Variants in PLXNB1 observed in about 807,000 individuals in gnomAD.
PLXNB1 encodes plexin B1.
PLXNB1 carries 106 observed loss-of-function variants against 209.4 expected under a neutral mutation model. That is an observed-to-expected ratio of 0.51 (90% CI 0.43 to 0.59). PLXNB1 has a LOEUF of 0.59. Ranked by LOEUF, PLXNB1 falls within the 20% of genes least tolerant of loss-of-function variation. The pLI, the probability that PLXNB1 is intolerant of heterozygous loss-of-function variation, is 0.00. For synonymous variants in PLXNB1, 1,167 were observed against 1,183.2 expected (o/e 0.99, Z 0.28); for missense variants, 2,357 against 2,853.2 (o/e 0.83, Z 3.96).
At position 48,413,545 on chromosome 3, in the gene PLXNB1, G is replaced by T; in HGVS notation, c.4535+125C>A. The T allele has an allele frequency of 9.1e-7, 1 of 1,096,470 alleles. No homozygotes were observed. The highest frequency in any genetic ancestry group is 1.3e-6 in the Non-Finnish European group (1 of 784,974). The allele number at this position is 1,096,470 out of a possible 1,614,324, so 67.9% of individuals were successfully genotyped here. ...GAACAGAGACCACTTGGCCTGCAAA[G>T]CGAAAATATTTACTCTCTGGCCATT... On this transcript the variant is annotated intron_variant, in intron 23 of 37. Transcript: ENST00000296440. The surrounding 1 kb of genome is among the most constrained non-coding windows in gnomAD (Gnocchi z 5.4).
At position 48,411,682 on chromosome 3, in the gene PLXNB1, T is replaced by C. The variant is rs1047252613; in HGVS notation, c.5247+181A>G. Among the ~76,000 whole-genome samples, 14 of 152,176 alleles carry C rather than the reference T, an allele frequency of 9.2e-5. No individual in the cohort carries two copies. Among genetic ancestry groups the C allele is most frequent in the Non-Finnish European group, 1.9e-4 (13 of 68,032 alleles). On this transcript the variant is annotated intron_variant, in intron 28 of 37. Transcript: ENST00000296440. This position sits in a 1 kb window ranked among gnomAD's most constrained non-coding sequence, Gnocchi z 4.0. ...GAGGCCTTATCATCAAAGTCTGCCC[T>C]AAACTGCTATCCTGCTAAGCTAGTC...
rs138973378 is a variant in PLXNB1 at position 48,424,231 on chromosome 3, G to A, written c.381C>T (p.Leu127=). 1.1e-3 allele frequency: 1,688 copies of A among 1,601,958 alleles called. 9 individuals carry two copies. In the African/African-American group the frequency reaches 0.018, roughly 17 times the overall value. Residue 127 remains leucine, a synonymous_variant, in exon 3 of 38, where the codon CTC becomes CTT. Transcript: ENST00000296440. The part of the protein sequence containing the change: ...GVCEQRRLGQ[L]EQLLLRPERP... ...GCTCTGGCCGCAGCAGCAGCTGCTC[G>A]AGCTGCCCCAGGCGCCGCTGTTCAC...
rs1575400429 is a variant in PLXNB1, at chr3:48,419,045, G to A, written c.2833-6C>T. 6.2e-7 allele frequency: 1 copy of A among 1,613,880 alleles called. No homozygotes were observed. Among genetic ancestry groups the A allele is most frequent in the Non-Finnish European group, 8.5e-7 (1 of 1,179,906 alleles). Reference sequence around the variant, plus strand: ...TCATTGTCTCCTGGGCCATCCTGAGGGCAGAGAACACAGCTGTTGGGCAGC... The same window carrying A: ...TCATTGTCTCCTGGGCCATCCTGAGAGCAGAGAACACAGCTGTTGGGCAGC... On this transcript the variant is annotated splice_region_variant and splice_polypyrimidine_tract_variant and intron_variant, in intron 12 of 37. Transcript: ENST00000296440. The surrounding 1 kb of genome is among the most constrained non-coding windows in gnomAD (Gnocchi z 5.7).
Position 48,415,022 on chromosome 3 carries a change from A to G in PLXNB1, c.3986T>C (p.Val1329Ala), listed in dbSNP as rs145614428. The G allele has an allele frequency of 1.8e-4, 286 of 1,613,240 alleles. No homozygotes were observed. The highest frequency in any genetic ancestry group is 2.3e-4 in the Non-Finnish European group (277 of 1,179,934). The change falls in exon 21 of 38, where the codon GTC becomes GCC. Residue 1329 changes from valine (V) to alanine (A), a missense_variant. Transcript: ENST00000296440. The surrounding 1 kb of genome is among the most constrained non-coding windows in gnomAD (Gnocchi z 5.0). ...GCACGTGATGAGCTGGGAGGAGTTGACATGGCACGGCTCCTCAAACTGGAA... is the reference window on the plus strand; with the variant it reads ...GCACGTGATGAGCTGGGAGGAGTTGGCATGGCACGGCTCCTCAAACTGGAA... Reference protein sequence around the residue: ...SSQQFEEPCHVNSSQLITCRT... With the variant: ...SSQQFEEPCHANSSQLITCRT...
intron 4 of PLXNB1, 31 bp downstream of exon 4, chr3:48,422,734 G>C (rs1279680713): frequency 6.2e-7 from 1 of 1,601,752 alleles, no homozygotes; most frequent in South Asian, 1.1e-5. Flanking sequence ...CCAGACTCTG[G>C]GGCAGGGGCC....
chr3:48,420,296 AGCAGGCAGGCGCGGGACAGGAG>A (rs1454898922), intron 10 of PLXNB1, 39 bp from the exon 11 acceptor site: 1 of 1,285,426 alleles, frequency 7.8e-7, no homozygotes, highest in East Asian at 2.5e-5. Context: ...AGGGCCACTC[AGCAGGCAGGCGCGGGACAGGAG>A]GCAGGCAGGC....
In PLXNB1 at chr3:48,418,945, TG is replaced by T. The variant is rs2038298402; in HGVS notation, c.2926del (p.Gln976SerfsTer77). On this transcript the variant is annotated frameshift_variant, in exon 13 of 38. Coordinates refer to ENST00000296440, the MANE Select transcript of PLXNB1 (RefSeq NM_001130082.3). LOFTEE classifies it high-confidence loss of function. The surrounding 1 kb of genome is among the most constrained non-coding windows in gnomAD (Gnocchi z 6.6). ...RVECEPPPDT[Q>X]CHVTCQQHQL... is the part of the protein sequence containing the mutation. ...GTGCTGCTGGCAGGTGACATGGCACTGGGTATCTGGAGGTGGCTCACACTCG... is the reference window on the plus strand; with the variant it reads ...GTGCTGCTGGCAGGTGACATGGCACTGGTATCTGGAGGTGGCTCACACTCG... The T allele has an allele frequency of 6.2e-7, 1 of 1,614,034 alleles. No homozygotes were observed.
In PLXNB1 at chr3:48,418,140, C is replaced by T. The variant is rs1200260277; in HGVS notation, c.3222+51G>A. 4 of 1,608,642 alleles carry T rather than the reference C, an allele frequency of 2.5e-6. No homozygotes were observed. In the African/African-American group the frequency reaches 5.3e-5, roughly 21 times the overall value. The stretch of plus-strand genomic sequence containing the variant: ...ACCTCCCACCTTTGGGCCCCCACAC[C>T]CTCCCTCTAAGGGCAGCACTGAGGA... On this transcript the variant is annotated intron_variant, in intron 15 of 37. Transcript: ENST00000296440. This position sits in a 1 kb window ranked among gnomAD's most constrained non-coding sequence, Gnocchi z 6.6.
Position 48,412,006 on chromosome 3 carries a change from A to G in PLXNB1, c.5104T>C (p.Ser1702Pro). Reference protein sequence around the residue: ...SICLYTFVRDSVGEPLYMLFR... With the variant: ...SICLYTFVRDPVGEPLYMLFR... ...AGCATGTACAGAGGCTCCCCTACGGAGTCCTAGGAGAGCACAGGCAGTTAG... is the reference window on the plus strand; with the variant it reads ...AGCATGTACAGAGGCTCCCCTACGGGGTCCTAGGAGAGCACAGGCAGTTAG... Residue 1702 changes from serine to proline, a missense_variant, in exon 28 of 38, where the codon TCC becomes CCC. Ser to Pro is a moderately conservative substitution (Grantham distance 74). Coordinates refer to ENST00000296440, the MANE Select transcript of PLXNB1 (RefSeq NM_001130082.3). 9 of 1,613,844 alleles carry G rather than the reference A, an allele frequency of 5.6e-6. No homozygotes were observed. Among genetic ancestry groups the G allele is most frequent in the Non-Finnish European group, 7.6e-6 (9 of 1,179,884 alleles).
In PLXNB1 at chr3:48,423,679, C is replaced by T. The variant is rs779372178; in HGVS notation, c.933G>A (p.Ala311=). The stretch of plus-strand genomic sequence containing the variant: ...CAGAGGCTCCAGATGCCCCAGCAGC[C>T]GCCGATGGGGGCCGGCCCACAGTGG... ...APPTVGRPPS[A]AAGASGASAL... Residue 311 remains alanine, a synonymous_variant, in exon 3 of 38, where the codon GCG becomes GCA. Coordinates refer to ENST00000296440, the MANE Select transcript of PLXNB1 (RefSeq NM_001130082.3). 19 of 1,613,686 alleles carry T rather than the reference C, an allele frequency of 1.2e-5. No individual in the cohort carries two copies. The African/African-American group carries it at 1.3e-4, about 11-fold the overall frequency.
rs776794782 is a variant in PLXNB1 at position 48,421,779 on chromosome 3, C to T, written c.1548G>A (p.Arg516=). The T allele has an allele frequency of 2.5e-6, 4 of 1,604,418 alleles. No homozygotes were observed. The highest frequency in any genetic ancestry group is 2.7e-5 in the African/African-American group (2 of 74,866). The part of the protein sequence containing the change: ...GRCSRRSECS[R]GQGPEQWLWS... Reference sequence around the variant, plus strand: ...ATAGCCACTGCTCTGGGCCCTGGCCCCTCGAGCACTCAGAACGGCGACTGC... The same window carrying T: ...ATAGCCACTGCTCTGGGCCCTGGCCTCTCGAGCACTCAGAACGGCGACTGC... Residue 516 remains arginine, a synonymous_variant, in exon 7 of 38, where the codon AGG becomes AGA. Transcript: ENST00000296440.
In PLXNB1 at chr3:48,421,802, T is replaced by C. The variant is rs1215939404; in HGVS notation, c.1525A>G (p.Ser509Gly). The change falls in exon 7 of 38, where the codon AGT becomes GGT. Residue 509 changes from serine to glycine, a missense_variant. Coordinates refer to ENST00000296440, the MANE Select transcript of PLXNB1 (RefSeq NM_001130082.3). ...CCCCTCGAGCACTCAGAACGGCGACTGCACCTGGGCGAGATGACCAGTGTC... is the reference window on the plus strand; with the variant it reads ...CCCCTCGAGCACTCAGAACGGCGACCGCACCTGGGCGAGATGACCAGTGTC... ...CGWCVLLGRC[S>G]RRSECSRGQG... 1 of 1,596,416 alleles carries C rather than the reference T, an allele frequency of 6.3e-7. No homozygotes were observed. The highest frequency in any genetic ancestry group is 8.6e-7 in the Non-Finnish European group (1 of 1,166,262).
intron 1 of PLXNB1, among the ~76,000 whole-genome samples, chr3:48,427,711 C>CT (rs1353934142): frequency 1.3e-5 from 2 of 152,186 alleles, no homozygotes; most frequent in Non-Finnish European, 2.9e-5. Flanking sequence ...TGCACAGGCT[C>CT]TTGCCGCTGC....
In PLXNB1 at chr3:48,421,096, G is replaced by A. The variant is rs551514149; in HGVS notation, c.1810+132C>T. Reference sequence around the variant, plus strand: ...CAAGGGCACAGAATGGAGGCTTCAGGTGGTTGGGGAGTGGGAGGACCCAGA... The same window carrying A: ...CAAGGGCACAGAATGGAGGCTTCAGATGGTTGGGGAGTGGGAGGACCCAGA... On this transcript the variant is annotated intron_variant, in intron 8 of 37. Coordinates refer to ENST00000296440, the MANE Select transcript of PLXNB1 (RefSeq NM_001130082.3). The A allele has an allele frequency of 3.8e-5, 49 of 1,298,384 alleles. No individual in the cohort carries two copies. In the South Asian group the frequency reaches 6.2e-4, roughly 16 times the overall value. The allele number at this position is 1,298,384 out of a possible 1,614,324, so 80.4% of individuals were successfully genotyped here. A position where few individuals can be genotyped will look rare whatever the true frequency, so the allele number is the denominator to read the frequency against.
chr3:48,422,728 ACT>A (rs771851909), intron 4 of PLXNB1, 35 bp downstream of exon 4: 23 of 1,596,044 alleles, frequency 1.4e-5, no homozygotes, highest in Middle Eastern at 1.7e-4. Flanking sequence ...TTCCCTCCAG[ACT>A]CTGGGGCAGG....
Position 48,422,326 on chromosome 3 carries a change from C to T in PLXNB1, c.1419+5G>A. ...GCCATGCCCTGGCTTGTGCCTGGCA[C>T]TCACTGTGCTCTGGGTCATGACATA... On this transcript the variant is annotated splice_donor_5th_base_variant and intron_variant, in intron 5 of 37. Coordinates refer to ENST00000296440, the MANE Select transcript of PLXNB1 (RefSeq NM_001130082.3). 1 of 1,611,026 alleles carries T rather than the reference C, an allele frequency of 6.2e-7. No individual in the cohort carries two copies. The highest frequency in any genetic ancestry group is 8.5e-7 in the Non-Finnish European group (1 of 1,178,474).
chr3:48,410,449 T>C lies in PLXNB1; in HGVS notation c.5520+6A>G. On this transcript the variant is annotated splice_donor_region_variant and intron_variant, in intron 30 of 37. Coordinates refer to ENST00000296440, the MANE Select transcript of PLXNB1 (RefSeq NM_001130082.3). This position sits in a 1 kb window ranked among gnomAD's most constrained non-coding sequence, Gnocchi z 6.4. ...CATGCCCTCCTCCAGCTCCCACTCC[T>C]CCTACCTTGTAATGCTGCAGTGTGT... 6.2e-7 allele frequency: 1 copy of C among 1,613,092 alleles called. No individual in the cohort carries two copies. The highest frequency in any genetic ancestry group is 2.2e-5 in the East Asian group (1 of 44,868).
chr3:48,423,009 C>T (rs2038635467), intron 3 of PLXNB1, 62 bp from the exon 4 acceptor site: 1 of 1,458,624 alleles, frequency 6.9e-7, no homozygotes, highest in Non-Finnish European at 9.4e-7. Flanking sequence ...CCGCATCGTC[C>T]CTGGACAACC....
In PLXNB1 at chr3:48,406,924, C is replaced by T. The variant is rs763503522; in HGVS notation, c.6153-26G>A. 8 of 1,611,920 alleles carry T rather than the reference C, an allele frequency of 5.0e-6. No homozygotes were observed. The highest frequency in any genetic ancestry group is 5.9e-6 in the Non-Finnish European group (7 of 1,178,400). The stretch of plus-strand genomic sequence containing the variant: ...CTGCCAGAGAGCCAGGGCACAGCAG[C>T]TGCTGGGTAAACAAGCCCACTCCCC... On this transcript the variant is annotated intron_variant, in intron 35 of 37. Coordinates refer to ENST00000296440, the MANE Select transcript of PLXNB1 (RefSeq NM_001130082.3). This position sits in a 1 kb window ranked among gnomAD's most constrained non-coding sequence, Gnocchi z 4.4.
Sources: allele counts gnomAD v4.1 joint callset (sites outside exome capture counted in the v4.1 genomes callset), GRCh38; gene constraint gnomAD v4.1.1; non-coding constraint Gnocchi (gnomAD v3.1); transcripts MANE v1.5; gene names NCBI Gene and HGNC (gene_info 2026-07-23, HGNC 2026-07-21).